TPD52: variants seen among roughly 807,000 people sequenced by gnomAD.
TPD52 encodes the protein tumor protein D52, also known as prostate and colon associated protein.
Under a neutral mutation model 31.3 loss-of-function variants are expected in TPD52, and 17 were observed. That is an observed-to-expected ratio of 0.54 (90% confidence interval 0.37 to 0.82). TPD52 has a LOEUF of 0.82. Ranked by LOEUF, TPD52 falls within the 40% of genes least tolerant of loss-of-function variation. The probability of loss-of-function intolerance (pLI) is 0.00; values close to 1 mark genes in which losing one functional copy is unlikely to be tolerated. For synonymous variants in TPD52, 83 were observed against 89.6 expected, an observed-to-expected ratio of 0.93 and a Z score of 0.42; for missense variants, 212 against 240.1, an observed-to-expected ratio of 0.88 and a Z score of 0.77.
chr8:80,040,244 G>C (rs1810254614), intron 7 of TPD52, among the ~76,000 whole-genome samples: 1 of 139,390 alleles, frequency 7.2e-6, no homozygotes, highest in South Asian at 2.3e-4. Context: ...ACCCAGGCTG[G>C]AGTGCAGTGG....
chr8:80,144,382 A>G (rs992035456), intron 1 of TPD52, among the ~76,000 whole-genome samples: 3 of 152,236 alleles, frequency 2.0e-5, no homozygotes, highest in African/African-American at 7.2e-5. Flanking sequence ...AATATGGGAC[A>G]GCCCATAAAA....
intron 7 of TPD52, among the ~76,000 whole-genome samples, chr8:80,039,295 G>A (rs1450000162): frequency 2.0e-5 from 3 of 152,030 alleles, no homozygotes; most frequent in Non-Finnish European, 2.9e-5. Flanking sequence ...TCCTTCCCCC[G>A]ACAACTAGCC....
intron 1 of TPD52, among the ~76,000 whole-genome samples, chr8:80,086,364 G>A (rs891383699): frequency 2.6e-5 from 4 of 151,526 alleles, no homozygotes; most frequent in African/African-American, 9.7e-5. Flanking sequence ...TGATCCACCC[G>A]CCTCGGTCCC....
chr8:80,106,245 A>C (rs1173393899), intron 1 of TPD52, among the ~76,000 whole-genome samples: 1 of 152,234 alleles, frequency 6.6e-6, no homozygotes, highest in Non-Finnish European at 1.5e-5. Context: ...TGTATAACAC[A>C]AAGGACAATC....
chr8:80,034,037 G>A (rs181174638), downstream of TPD52, among the ~76,000 whole-genome samples: 953 of 152,068 alleles, frequency 6.3e-3, 3 homozygotes, highest in Non-Finnish European at 0.01. Context: ...GCCATCCAGA[G>A]CACCCAGGCT....
At chr8:80,164,004 T>A in intron 1 of TPD52, among the ~76,000 whole-genome samples, 1 of 128,178 alleles carries the variant, frequency 7.8e-6, no homozygotes. Flanking sequence ...ACAGACCAAA[T>A]TCTAACTGTG....
intron 1 of TPD52, among the ~76,000 whole-genome samples, chr8:80,162,957 C>CAAA (rs36069407): frequency 2.0e-5 from 3 of 151,300 alleles, no homozygotes; most frequent in African/African-American, 7.3e-5. Flanking sequence ...AACAAACAAA[C>CAAA]AAAAAAAACG....
At chr8:80,052,234 G>C (rs1020167862) in intron 3 of TPD52, among the ~76,000 whole-genome samples, 1 of 152,130 alleles carries the variant, frequency 6.6e-6, no homozygotes, top group African/African-American at 2.4e-5. Context: ...TGTGGTATCT[G>C]CTATCACGCA....
At chr8:80,141,059 C>G (rs1264233867) in intron 1 of TPD52, among the ~76,000 whole-genome samples, 1 of 151,970 alleles carries the variant, frequency 6.6e-6, no homozygotes, top group African/African-American at 2.4e-5. Flanking sequence ...CGTGGATCAT[C>G]TGTGGCTCTG....
At chr8:80,098,426 A>G (rs956170315) in intron 1 of TPD52, among the ~76,000 whole-genome samples, 12 of 152,250 alleles carry the variant, frequency 7.9e-5, no homozygotes, top group African/African-American at 2.9e-4. Context: ...AGGTTAAAAC[A>G]TAGCATAACA....
rs1193296222 is a variant in TPD52, at chr8:80,035,558, CTG to C, written c.*2556_*2557del. 1 of 152,164 alleles carries C rather than the reference CTG, an allele frequency of 6.6e-6. No homozygotes were observed. Among genetic ancestry groups the C allele is most frequent in the Non-Finnish European group, 1.5e-5 (1 of 68,028 alleles). The allele number at this position is 152,164 out of a possible 1,614,324, so 9.4% of individuals were successfully genotyped here. ...TTTCCAATACTATACAAAAAATAGA[CTG>C]TGCATATCTTAACAGATCCAGATCC... On this transcript the variant is annotated 3_prime_UTR_variant, in exon 8 of 8. Transcript: ENST00000518937.
rs527807364 is a variant in TPD52, at chr8:80,128,898, A to T, written c.19+42527T>A. 2.6e-5 allele frequency among the ~76,000 whole-genome samples: 4 copies of T among 151,752 alleles called. No individual in the cohort carries two copies. The South Asian group carries it at 8.3e-4, about 32-fold the overall frequency. On this transcript the variant is annotated intron_variant, in intron 1 of 7. Transcript: ENST00000518937. The stretch of plus-strand genomic sequence containing the variant: ...TTACATCTGGGTTTTTTTTTTCAGG[A>T]AGAAATGCTAGATTAGTACCAGAAT...
chr8:80,126,673 G>C (rs1327334617), intron 1 of TPD52, among the ~76,000 whole-genome samples: 1 of 151,652 alleles, frequency 6.6e-6, no homozygotes, highest in Admixed American at 6.6e-5. Flanking sequence ...GGTAAAGATG[G>C]GGTTTCACCA....
intron 1 of TPD52, among the ~76,000 whole-genome samples, chr8:80,107,069 T>C (rs1807184856): frequency 6.6e-6 from 1 of 152,030 alleles, no homozygotes; most frequent in Non-Finnish European, 1.5e-5. Context: ...CCTAGAATTG[T>C]CTAGATCTCC....
chr8:80,070,610 G>A (rs187516052), intron 1 of TPD52, among the ~76,000 whole-genome samples: 53 of 152,248 alleles, frequency 3.5e-4, no homozygotes, highest in East Asian at 2.7e-3. Context: ...GAGCTCAGGC[G>A]GTAATGCTCA....
At chr8:80,073,448 G>C (rs561437469) in intron 1 of TPD52, among the ~76,000 whole-genome samples, 3 of 152,298 alleles carry the variant, frequency 2.0e-5, no homozygotes, top group East Asian at 1.9e-4. Flanking sequence ...CCTGGACCCC[G>C]TGACCTTGGC....
intron 1 of TPD52, among the ~76,000 whole-genome samples, chr8:80,083,567 G>T (rs1488011237): frequency 6.6e-6 from 1 of 150,878 alleles, no homozygotes; most frequent in Non-Finnish European, 1.5e-5. Context: ...TTCTCCCTTC[G>T]CTGGGCACTC....
At chr8:80,045,496 A>AT (rs1464094430) in intron 5 of TPD52, among the ~76,000 whole-genome samples, 1 of 152,202 alleles carries the variant, frequency 6.6e-6, no homozygotes, top group East Asian at 1.9e-4. Context: ...GCATATTGTA[A>AT]TTAGGACACT....
chr8:80,165,711 T>C (rs1811667239), intron 1 of TPD52, among the ~76,000 whole-genome samples: 2 of 152,216 alleles, frequency 1.3e-5, no homozygotes. Context: ...ACTGCCACTC[T>C]TTTTTTGACC....
Sources: allele counts gnomAD v4.1 joint callset (sites outside exome capture counted in the v4.1 genomes callset), GRCh38; gene constraint gnomAD v4.1.1; transcripts MANE v1.5; gene names NCBI Gene and HGNC (gene_info 2026-07-23, HGNC 2026-07-21).